ILDR1: variants seen among roughly 807,000 people sequenced by gnomAD.
ILDR1 encodes the protein immunoglobulin like domain containing receptor 1.
In ILDR1, 56 loss-of-function variants were observed where a neutral mutation model predicts 62.4. That is an observed-to-expected ratio of 0.90 (90% CI 0.72 to 1.12). The LOEUF (loss-of-function observed/expected upper bound fraction) is 1.12, where lower values mean the gene tolerates loss of function less well. Ranked by LOEUF, ILDR1 falls within the 50% of genes most tolerant of loss-of-function variation. The pLI is 0.00. For synonymous variants in ILDR1, 284 were observed against 277.8 expected (o/e 1.02, Z -0.22); for missense variants, 736 against 710.6 (o/e 1.04, Z -0.41).
In ILDR1 at chr3:122,009,324, A is replaced by AACACACACACACACACAC. The variant is rs60284951; in HGVS notation, c.59-2181_59-2164dup. Among the ~76,000 whole-genome samples the AACACACACACACACACAC allele has an allele frequency of 5.6e-3, 772 of 137,876 alleles. 8 individuals are homozygous for AACACACACACACACACAC. The highest frequency in any genetic ancestry group is 7.8e-3 in the South Asian group (31 of 3,976). 90.5% of individuals were successfully genotyped at this position (137,876 alleles called of 152,430 possible). ...AACCACTGGTGTAGACTCAATTTAA[A>AACACACACACACACACAC]ACACACACACACACACACACACACA... is the stretch of plus-strand genomic sequence containing the variant. On this transcript the variant is annotated intron_variant, in intron 1 of 7. Coordinates refer to ENST00000344209, the MANE Select transcript of ILDR1 (RefSeq NM_001199799.2).
chr3:121,995,787 C>CATA (rs1313134391), intron 5 of ILDR1, among the ~76,000 whole-genome samples: 2 of 152,174 alleles, frequency 1.3e-5, no homozygotes, highest in African/African-American at 4.8e-5. Context: ...ATTTACTTTA[C>CATA]ATAAGCTAAC....
intron 7 of ILDR1, 39 bp from the exon 8 acceptor site, chr3:121,988,447 T>C: frequency 6.5e-7 from 1 of 1,544,338 alleles, no homozygotes; most frequent in Non-Finnish European, 9.0e-7. Flanking sequence ...AAAAATCCAG[T>C]CAGTGCAATC....
intron 1 of ILDR1, among the ~76,000 whole-genome samples, chr3:122,011,570 T>C (rs537829275): frequency 6.6e-6 from 1 of 150,844 alleles, no homozygotes; most frequent in East Asian, 1.9e-4. Context: ...CTTGAGCTCA[T>C]TCACACTCTC....
At chr3:122,030,622 T>TC in the ILDR1 span, among the ~76,000 whole-genome samples, 25,379 of 149,044 alleles carry the variant, frequency 0.17, 2,351 homozygotes, top group Middle Eastern at 0.25. Context: ...GGCAAGGGTT[T>TC]TTCTCTCTCT....
the ILDR1 span, among the ~76,000 whole-genome samples, chr3:122,047,025 C>A: frequency 2.8e-5 from 4 of 144,994 alleles, no homozygotes; most frequent in East Asian, 8.0e-4. Flanking sequence ...TTTTTCTGTT[C>A]TGTTTTTTCC....
At chr3:122,028,779 G>A in the ILDR1 span, among the ~76,000 whole-genome samples, 8 of 152,354 alleles carry the variant, frequency 5.3e-5, no homozygotes, top group South Asian at 6.2e-4. Flanking sequence ...AGCTAGCTAA[G>A]TATTGGCAAA....
the ILDR1 span, chr3:122,055,388 G>A: frequency 8.7e-7 from 1 of 1,152,862 alleles, no homozygotes; most frequent in African/African-American, 1.5e-5. Flanking sequence ...GGCTTGCACA[G>A]GGTGAAAGCT....
rs757248906 is a variant in ILDR1, at chr3:121,994,204, TG to T, written c.755del (p.Pro252GlnfsTer21). On this transcript the variant is annotated frameshift_variant, in exon 6 of 8. Coordinates refer to ENST00000344209, the MANE Select transcript of ILDR1 (RefSeq NM_001199799.2). LOFTEE classifies it high-confidence loss of function. ...ADRSSQVSSY[P>X]MHPLLQRDLS... ...TACCTCGCTGCAGCAGCGGGTGCAT[TG>T]GATAAGATGAAACCTGGGAGCTCCT... 1.5e-5 allele frequency: 23 copies of T among 1,535,930 alleles called. No homozygotes were observed. Among genetic ancestry groups the T allele is most frequent in the Non-Finnish European group, 8.7e-7 (1 of 1,146,886 alleles).
chr3:122,000,048 G>GA (rs111508537), intron 5 of ILDR1, among the ~76,000 whole-genome samples: 130 of 144,848 alleles, frequency 9.0e-4, no homozygotes, highest in East Asian at 1.4e-3. Flanking sequence ...GAACCTCTTT[G>GA]AAAAAAAAAA....
chr3:122,045,048 G>A, the ILDR1 span, among the ~76,000 whole-genome samples: 7 of 151,638 alleles, frequency 4.6e-5, no homozygotes, highest in East Asian at 1.9e-4. Flanking sequence ...TTCTCTTGTG[G>A]GCATTTAGTG....
At chr3:121,989,154 A>G (rs554694087) in intron 7 of ILDR1, among the ~76,000 whole-genome samples, 17 of 152,322 alleles carry the variant, frequency 1.1e-4, no homozygotes, top group Admixed American at 9.8e-4. Context: ...AAGGGATCAC[A>G]TATGTATGTA....
At chr3:122,034,011 A>G in the ILDR1 span, among the ~76,000 whole-genome samples, 12 of 152,320 alleles carry the variant, frequency 7.9e-5, no homozygotes, top group South Asian at 2.3e-3. Context: ...GTCAATTTCC[A>G]TAAAAATCGC....
chr3:121,993,814 T>C lies in ILDR1; in HGVS notation c.935A>G (p.His312Arg), dbSNP rs375692390. 6.2e-7 allele frequency: 1 copy of C among 1,614,100 alleles called. No homozygotes were observed. The highest frequency in any genetic ancestry group is 1.1e-5 in the South Asian group (1 of 91,078). ...LPPDLKGRFG[H>R]PCSMLSSLGS... ...CAGGGAGGACAGCATGCTGCAGGGA[T>C]GGCCAAATCTGCCTTTGAGGTCAGG... is the stretch of plus-strand genomic sequence containing the variant. Residue 312 changes from histidine to arginine, a missense_variant, in exon 7 of 8, where the codon CAT (histidine) becomes CGT (arginine). Physicochemically the swap from His to Arg is conservative, Grantham distance 29. Transcript: ENST00000344209.
chr3:122,038,026 T>C, the ILDR1 span, among the ~76,000 whole-genome samples: 1 of 152,182 alleles, frequency 6.6e-6, no homozygotes, highest in Non-Finnish European at 1.5e-5. Context: ...TCTACCATGA[T>C]TGTAAGTTTC....
At position 122,022,048 on chromosome 3, in the gene ILDR1, C is replaced by T. The variant is rs1278668451; in HGVS notation, c.30G>A (p.Trp10Ter). 21 of 1,611,532 alleles carry T rather than the reference C, an allele frequency of 1.3e-5. No individual in the cohort carries two copies. Among genetic ancestry groups the T allele is most frequent in the Non-Finnish European group, 1.7e-5 (20 of 1,179,020 alleles). The change falls in exon 1 of 8, where the codon TGG (tryptophan) becomes TGA (stop). Residue 10 changes from tryptophan (W) to a stop codon, truncating the protein, a stop_gained. Coordinates refer to ENST00000344209, the MANE Select transcript of ILDR1 (RefSeq NM_001199799.2). LOFTEE classifies it high-confidence loss of function. Reference sequence around the variant, plus strand: ...CTGGGAGCCAGGTGCAGAGCAGCAGCCAAGGTGCGGGCAGTTTGGGCCATG... The same window carrying T: ...CTGGGAGCCAGGTGCAGAGCAGCAGTCAAGGTGCGGGCAGTTTGGGCCATG... MAWPKLPAP[W>*]LLLCTWLPAG...
chr3:122,007,411 A>C, intron 1 of ILDR1: 1 of 595,208 alleles, frequency 1.7e-6, no homozygotes, highest in Non-Finnish European at 2.9e-6. Context: ...CAGTGCATTA[A>C]CAGTGATGAC....
intron 1 of ILDR1, among the ~76,000 whole-genome samples, chr3:122,012,479 G>C (rs2071718611): frequency 6.6e-6 from 1 of 152,150 alleles, no homozygotes; most frequent in African/African-American, 2.4e-5. Flanking sequence ...ATCCCTAACA[G>C]CTGAATGGTA....
At chr3:122,002,820 C>A (rs2071549027) in intron 3 of ILDR1, among the ~76,000 whole-genome samples, 1 of 152,110 alleles carries the variant, frequency 6.6e-6, no homozygotes, top group Non-Finnish European at 1.5e-5. Flanking sequence ...CCCCATGTGA[C>A]CATGCATTCT....
the ILDR1 span, among the ~76,000 whole-genome samples, chr3:122,047,647 G>A: frequency 4.6e-5 from 7 of 152,296 alleles, no homozygotes; most frequent in South Asian, 4.1e-4. Flanking sequence ...TCTGAAAAGC[G>A]CAATATTCGG....
Sources: allele counts gnomAD v4.1 joint callset (sites outside exome capture counted in the v4.1 genomes callset), GRCh38; gene constraint gnomAD v4.1.1; transcripts MANE v1.5; gene names NCBI Gene and HGNC (gene_info 2026-07-23, HGNC 2026-07-21).